ZNF804A: variants seen among roughly 807,000 people sequenced by gnomAD.
The protein encoded by ZNF804A is zinc finger protein 804A.
In ZNF804A, 2 loss-of-function variants were observed where a neutral mutation model predicts 16.5. The ratio of observed to expected loss-of-function variants is 0.12; its 90% CI spans 0.05 to 0.38. The LOEUF is 0.38. ZNF804A is among the 10% of genes least tolerant of loss of function. The probability of loss-of-function intolerance (pLI) is 0.99; values close to 1 mark genes in which losing one functional copy is unlikely to be tolerated. For missense variants in ZNF804A, 1,473 were observed against 1,390.7 expected (o/e 1.06, Z -0.94); for synonymous variants, 534 against 489.6 (o/e 1.09, Z -1.20).
intron 1 of ZNF804A, among the ~76,000 whole-genome samples, chr2:184,784,929 C>T (rs989847112): frequency 2.0e-5 from 3 of 151,928 alleles, no homozygotes; most frequent in African/African-American, 7.2e-5. Context: ...TGACCCAGTG[C>T]CTCCAAAATC....
At chr2:184,841,436 T>A (rs1042418163) in intron 1 of ZNF804A, among the ~76,000 whole-genome samples, 5 of 152,200 alleles carry the variant, frequency 3.3e-5, no homozygotes, top group Non-Finnish European at 7.3e-5. Flanking sequence ...TCATAGTGTT[T>A]CCATTATCTA....
chr2:184,643,377 G>A (rs1470934959), intron 1 of ZNF804A, among the ~76,000 whole-genome samples: 1 of 151,874 alleles, frequency 6.6e-6, no homozygotes, highest in Non-Finnish European at 1.5e-5. Flanking sequence ...CTGTCTAGGA[G>A]TCTTTTCTCA....
At chr2:184,645,818 AG>A (rs1349399167) in intron 1 of ZNF804A, among the ~76,000 whole-genome samples, 2 of 152,222 alleles carry the variant, frequency 1.3e-5, no homozygotes, top group African/African-American at 4.8e-5. Flanking sequence ...AGGACATCCC[AG>A]GTCCCAGGGA....
intron 1 of ZNF804A, among the ~76,000 whole-genome samples, chr2:184,772,877 T>C (rs1234646084): frequency 6.7e-6 from 1 of 150,192 alleles, no homozygotes; most frequent in Non-Finnish European, 1.5e-5. Context: ...TCATTTGCTT[T>C]ACCCTGAGGG....
chr2:184,762,523 C>T (rs1465559972), intron 1 of ZNF804A, among the ~76,000 whole-genome samples: 1 of 151,600 alleles, frequency 6.6e-6, no homozygotes, highest in African/African-American at 2.4e-5. Flanking sequence ...AAATATTTGC[C>T]TACTCTCTGT....
intron 1 of ZNF804A, among the ~76,000 whole-genome samples, chr2:184,815,281 T>A (rs140933735): frequency 6.6e-6 from 1 of 151,952 alleles, no homozygotes; most frequent in African/African-American, 2.4e-5. Flanking sequence ...AAATCCATAC[T>A]AGGTTTTGCA....
At chr2:184,679,574 C>T (rs1316691193) in intron 1 of ZNF804A, among the ~76,000 whole-genome samples, 1 of 152,178 alleles carries the variant, frequency 6.6e-6, no homozygotes, top group Non-Finnish European at 1.5e-5. Flanking sequence ...AGTGCCTGCT[C>T]TCGCTATCTG....
At chr2:184,690,331 C>A (rs1393788049) in intron 1 of ZNF804A, among the ~76,000 whole-genome samples, 1 of 151,908 alleles carries the variant, frequency 6.6e-6, no homozygotes. Flanking sequence ...TTTTGCAAAA[C>A]CATCAAGTAA....
intron 1 of ZNF804A, among the ~76,000 whole-genome samples, chr2:184,787,461 G>A (rs995824991): frequency 6.6e-6 from 1 of 151,748 alleles, no homozygotes; most frequent in African/African-American, 2.4e-5. Context: ...GAACTACTTT[G>A]CATTGCTACC....
intron 2 of ZNF804A, among the ~76,000 whole-genome samples, chr2:184,898,239 A>G (rs768036101): frequency 2.0e-5 from 3 of 152,156 alleles, no homozygotes; most frequent in Non-Finnish European, 2.9e-5. Context: ...TTGTGATTCT[A>G]TCTGCACATA....
rs1320321619 is a variant in ZNF804A, at chr2:184,889,287, T to C, written c.255+22775T>C. On this transcript the variant is annotated intron_variant, in intron 2 of 3. Transcript: ENST00000302277. ...TAAGGATCTGAAAATGAATATGAAA[T>C]AGAGAAATTATGTTAATTTTTCTTT... Among the ~76,000 whole-genome samples the C allele has an allele frequency of 4.2e-4, 64 of 151,952 alleles. 1 individual carries two copies. Among genetic ancestry groups the C allele is most frequent in the Admixed American group, 4.2e-3 (64 of 15,260 alleles).
intron 1 of ZNF804A, among the ~76,000 whole-genome samples, chr2:184,670,283 A>C (rs1050744741): frequency 6.6e-6 from 1 of 152,034 alleles, no homozygotes; most frequent in African/African-American, 2.4e-5. Context: ...TTTCCAGTAC[A>C]TGGTTTGTAT....
intron 2 of ZNF804A, among the ~76,000 whole-genome samples, chr2:184,910,709 C>T (rs531823442): frequency 6.6e-6 from 1 of 152,046 alleles, no homozygotes; most frequent in Non-Finnish European, 1.5e-5. Flanking sequence ...TTTTGATTTG[C>T]ATTTCCCTAA....
chr2:184,643,889 A>G (rs547262329), intron 1 of ZNF804A, among the ~76,000 whole-genome samples: 2 of 151,872 alleles, frequency 1.3e-5, no homozygotes, highest in Admixed American at 6.6e-5. Context: ...CCAGGTGTTA[A>G]GAATAACCCA....
chr2:184,932,988 G>C (rs1685726424), intron 2 of ZNF804A, among the ~76,000 whole-genome samples: 1 of 152,010 alleles, frequency 6.6e-6, no homozygotes. Flanking sequence ...TGAGAGAAGG[G>C]ATTGTTTTAA....
intron 1 of ZNF804A, among the ~76,000 whole-genome samples, chr2:184,777,609 A>G (rs1057034117): frequency 4.0e-5 from 6 of 151,682 alleles, no homozygotes; most frequent in African/African-American, 1.4e-4. Flanking sequence ...AGTTAAAAAA[A>G]CAAAAGAAAC....
intron 1 of ZNF804A, among the ~76,000 whole-genome samples, chr2:184,859,329 A>T (rs1419610562): frequency 6.6e-6 from 1 of 151,098 alleles, no homozygotes; most frequent in Non-Finnish European, 1.5e-5. Flanking sequence ...TATATTTTTA[A>T]ATATTCTTTT....
intron 1 of ZNF804A, among the ~76,000 whole-genome samples, chr2:184,793,771 C>T (rs570131832): frequency 6.6e-5 from 10 of 152,230 alleles, no homozygotes; most frequent in African/African-American, 2.4e-4. Flanking sequence ...CATTCTTATG[C>T]CTTTTCATCC....
At chr2:184,890,904 A>C (rs1227868044) in intron 2 of ZNF804A, among the ~76,000 whole-genome samples, 1 of 151,582 alleles carries the variant, frequency 6.6e-6, no homozygotes, top group African/African-American at 2.4e-5. Flanking sequence ...TATGTATTAC[A>C]TATTATACAT....
Sources: gnomAD v4.1 joint callset for allele counts (sites outside exome capture counted in the v4.1 genomes callset) on GRCh38, gnomAD v4.1.1 for gene constraint, MANE v1.5 for transcripts, NCBI Gene and HGNC (gene_info 2026-07-23, HGNC 2026-07-21) for gene names.